Variants in AMOTL1 observed in about 807,000 individuals in gnomAD.
The protein encoded by AMOTL1 is angiomotin-like protein 1.
Under a neutral mutation model 102.9 loss-of-function variants are expected in AMOTL1, and 45 were observed. The observed-to-expected ratio is 0.44, with a 90% CI of 0.34 to 0.56. The LOEUF (loss-of-function observed/expected upper bound fraction) is 0.56, where lower values mean the gene tolerates loss of function less well. AMOTL1 is among the 20% of genes least tolerant of loss of function. The pLI is 0.01. For missense variants in AMOTL1, 1,114 were observed against 1,225.6 expected (o/e 0.91, Z 1.36); for synonymous variants, 481 against 484.7 (o/e 0.99, Z 0.10).
chr11:94,806,257 G>A (rs1951566654), intron 3 of AMOTL1, among the ~76,000 whole-genome samples: 1 of 152,196 alleles, frequency 6.6e-6, no homozygotes, highest in South Asian at 2.1e-4. Context: ...GAAGATATTT[G>A]CTAAATCACA....
intron 1 of AMOTL1, among the ~76,000 whole-genome samples, chr11:94,710,929 A>C (rs1430569634): frequency 6.6e-6 from 1 of 152,142 alleles, no homozygotes; most frequent in Admixed American, 6.6e-5. Flanking sequence ...AATATATTAT[A>C]ACTATTTATT....
At chr11:94,868,297 C>T (rs755626564) in intron 11 of AMOTL1, among the ~76,000 whole-genome samples, 2 of 152,196 alleles carry the variant, frequency 1.3e-5, no homozygotes, top group East Asian at 1.9e-4. Flanking sequence ...TACTTGATTG[C>T]GCTTACCGCC....
chr11:94,859,543 C>G lies in AMOTL1; in HGVS notation c.1963C>G (p.Pro655Ala), dbSNP rs1169009978. Residue 655 changes from proline (P) to alanine (A), a missense_variant, in exon 9 of 13, where the codon CCA becomes GCA. Pro to Ala is a conservative substitution (Grantham distance 27). Transcript: ENST00000433060. The part of the protein sequence containing the change: ...RTQQKHGNGQ[P>A]ANMPEYNAPA... Reference sequence around the variant, plus strand: ...CCTTCAGAAACATGGAAATGGCCAGCCAGCCAACATGCCGGAATACAATGC... The same window carrying G: ...CCTTCAGAAACATGGAAATGGCCAGGCAGCCAACATGCCGGAATACAATGC... The G allele has an allele frequency of 6.2e-7, 1 of 1,611,536 alleles. No individual in the cohort carries two copies. The highest frequency in any genetic ancestry group is 2.2e-5 in the East Asian group (1 of 44,888).
At chr11:94,776,553 T>A (rs941288834) in intron 1 of AMOTL1, among the ~76,000 whole-genome samples, 2 of 152,218 alleles carry the variant, frequency 1.3e-5, no homozygotes, top group South Asian at 4.1e-4. Context: ...ATGATAGATA[T>A]CTTGTCTTCC....
chr11:94,792,183 A>G (rs577170666), intron 1 of AMOTL1, among the ~76,000 whole-genome samples: 7 of 152,340 alleles, frequency 4.6e-5, no homozygotes, highest in South Asian at 4.1e-4. Flanking sequence ...ATATGGGTGA[A>G]GCTAGAAACC....
In AMOTL1 at chr11:94,843,718, A is replaced by G. The variant is rs970254500; in HGVS notation, c.1649-6396A>G. ...TTAGGGAGGGATAATGTGGCAGATA[A>G]TTATTTGGACATCTTTTCATAAGAG... On this transcript the variant is annotated intron_variant, in intron 6 of 12. Transcript: ENST00000433060. Among the ~76,000 whole-genome samples the G allele has an allele frequency of 2.0e-5, 3 of 152,200 alleles. No homozygotes were observed. In the South Asian group the frequency reaches 6.2e-4, roughly 32 times the overall value.
intron 1 of AMOTL1, among the ~76,000 whole-genome samples, chr11:94,710,860 C>G (rs1392876725): frequency 6.6e-6 from 1 of 152,132 alleles, no homozygotes; most frequent in Non-Finnish European, 1.5e-5. Context: ...TTTCTCATTT[C>G]TTGTGAGTCC....
At chr11:94,768,334 G>A, upstream of AMOTL1, 1 of 1,369,576 alleles carries the variant, frequency 7.3e-7, no homozygotes, top group Non-Finnish European at 9.4e-7. Context: ...CGCGGGGAGC[G>A]GGGAGCGCGG....
At chr11:94,794,688 A>C (rs1436949934) in intron 1 of AMOTL1, among the ~76,000 whole-genome samples, 1 of 152,148 alleles carries the variant, frequency 6.6e-6, no homozygotes, top group African/African-American at 2.4e-5. Context: ...ACTTTGTGAC[A>C]CATTCAGTCC....
intron 6 of AMOTL1, among the ~76,000 whole-genome samples, chr11:94,835,453 GT>G (rs1460842175): frequency 6.6e-6 from 1 of 152,206 alleles, no homozygotes; most frequent in East Asian, 1.9e-4. Context: ...TTTTAAAACT[GT>G]TTCTTTCGAA....
chr11:94,844,619 C>G (rs1321021157), intron 6 of AMOTL1, among the ~76,000 whole-genome samples: 2 of 152,188 alleles, frequency 1.3e-5, no homozygotes, highest in Non-Finnish European at 2.9e-5. Flanking sequence ...TCCCATGAGA[C>G]AGAATCAAGC....
At position 94,873,750 on chromosome 11, in the gene AMOTL1, C is replaced by CTGTG. The variant is rs1272960030; in HGVS notation, c.*2956_*2959dup. On this transcript the variant is annotated 3_prime_UTR_variant, in exon 13 of 13. Coordinates refer to ENST00000433060, the MANE Select transcript of AMOTL1 (RefSeq NM_130847.3). ...GCATCTTGGCAGTCTCTATGCCTGT[C>CTGTG]TGTGATGTGTGTGTGCACGTGTAAC... 1 of 150,626 alleles carries CTGTG rather than the reference C, an allele frequency of 6.6e-6. No individual in the cohort carries two copies. The highest frequency in any genetic ancestry group is 1.5e-5 in the Non-Finnish European group (1 of 68,008). 9.3% of individuals were successfully genotyped at this position (150,626 alleles called of 1,614,324 possible).
chr11:94,845,542 T>A (rs969301592), intron 6 of AMOTL1, among the ~76,000 whole-genome samples: 2 of 152,260 alleles, frequency 1.3e-5, no homozygotes, highest in African/African-American at 2.4e-5. Flanking sequence ...TATAGTACTA[T>A]GTGCCAAGTC....
intron 1 of AMOTL1, among the ~76,000 whole-genome samples, chr11:94,769,931 G>C (rs1950920133): frequency 6.6e-6 from 1 of 152,204 alleles, no homozygotes; most frequent in African/African-American, 2.4e-5. Flanking sequence ...AACCAAAGCA[G>C]TAACGTGCTA....
chr11:94,781,912 G>C (rs1052210455), intron 1 of AMOTL1, among the ~76,000 whole-genome samples: 1 of 151,926 alleles, frequency 6.6e-6, no homozygotes, highest in African/African-American at 2.4e-5. Flanking sequence ...AATCAAGACA[G>C]TGGTAGTAGT....
intron 3 of AMOTL1, among the ~76,000 whole-genome samples, chr11:94,814,624 A>G (rs1485066678): frequency 1.3e-5 from 2 of 152,188 alleles, no homozygotes; most frequent in African/African-American, 2.4e-5. Flanking sequence ...ATGGGCCCCT[A>G]TTACGATAAA....
intron 1 of AMOTL1, among the ~76,000 whole-genome samples, chr11:94,773,816 T>TAACATAA (rs1322913154): frequency 1.9e-4 from 29 of 152,348 alleles, no homozygotes; most frequent in African/African-American, 6.5e-4. Context: ...GAAAACACAG[T>TAACATAA]ACTTAAAACT....
chr11:94,805,151 CT>C (rs1951546769), intron 3 of AMOTL1, among the ~76,000 whole-genome samples: 1 of 152,194 alleles, frequency 6.6e-6, no homozygotes, highest in Non-Finnish European at 1.5e-5. Flanking sequence ...TAAGCTTTCA[CT>C]TGGGGTCACT....
chr11:94,715,067 T>C (rs751224859), intron 1 of AMOTL1, among the ~76,000 whole-genome samples: 2 of 152,162 alleles, frequency 1.3e-5, no homozygotes, highest in Non-Finnish European at 2.9e-5. Flanking sequence ...GTTTCTTCAT[T>C]TTTGTTAAGT....
Sources: gnomAD v4.1 joint callset for allele counts (sites outside exome capture counted in the v4.1 genomes callset) on GRCh38, gnomAD v4.1.1 for gene constraint, MANE v1.5 for transcripts, NCBI Gene and HGNC (gene_info 2026-07-23, HGNC 2026-07-21) for gene names.